Variants in ZMIZ1 observed in about 807,000 individuals in gnomAD.
ZMIZ1 encodes zinc finger MIZ-type containing 1.
ZMIZ1 carries 17 observed loss-of-function variants against 113.9 expected under a neutral mutation model. The observed-to-expected ratio is 0.15, with a 90% CI of 0.10 to 0.22. The LOEUF (loss-of-function observed/expected upper bound fraction) is 0.22, where lower values mean the gene tolerates loss of function less well. Among genes scored for constraint, ZMIZ1 ranks in the 10% least tolerant of loss-of-function variants. ZMIZ1 has a pLI of 1.00. For synonymous variants in ZMIZ1, 607 were observed against 603.1 expected (o/e 1.01, Z -0.09); for missense variants, 1,059 against 1,477.8 (o/e 0.72, Z 4.65).
intron 4 of ZMIZ1, among the ~76,000 whole-genome samples, chr10:79,183,651 A>G (rs185865359): frequency 8.5e-5 from 13 of 152,316 alleles, no homozygotes; most frequent in Admixed American, 8.5e-4. Context: ...GTTACTAGCA[A>G]TGCCCTTGGC....
intron 5 of ZMIZ1, 29 bp from the exon 6 acceptor site, chr10:79,208,307 C>T (rs1393836586): frequency 1.2e-6 from 2 of 1,606,760 alleles, no homozygotes; most frequent in Non-Finnish European, 1.7e-6. Context: ...CTCTTGGAGC[C>T]TCAGCCGCCT....
chr10:79,190,672 CT>C (rs1847561412), intron 4 of ZMIZ1, among the ~76,000 whole-genome samples: 1 of 152,230 alleles, frequency 6.6e-6, no homozygotes. Context: ...TTCACACCCC[CT>C]GTGTGGCTAG....
At chr10:79,107,396 C>T (rs1843599239) in intron 1 of ZMIZ1, among the ~76,000 whole-genome samples, 1 of 152,170 alleles carries the variant, frequency 6.6e-6, no homozygotes, top group Non-Finnish European at 1.5e-5. Flanking sequence ...GGGGTGTAGA[C>T]ACCACACGGG....
At chr10:79,249,276 G>A (rs1850397993) in intron 7 of ZMIZ1, among the ~76,000 whole-genome samples, 1 of 152,214 alleles carries the variant, frequency 6.6e-6, no homozygotes, top group South Asian at 2.1e-4. Context: ...GCACATCCAG[G>A]ATCCAGCGCT....
At position 79,300,855 on chromosome 10, in the gene ZMIZ1, C is replaced by G. The variant is rs945228961; in HGVS notation, c.1932C>G (p.Asn644Lys). 6 of 1,613,486 alleles carry G rather than the reference C, an allele frequency of 3.7e-6. No homozygotes were observed. In the Admixed American group the frequency reaches 1.0e-4, roughly 27 times the overall value. ...CCCTCACCATTGAGCGCGGCGACAA[C>G]AAGACCTCCCACAAGCCCCTGCACC... The part of the protein sequence containing the change: ...ATPLTIERGD[N>K]KTSHKPLHLK... Residue 644 changes from asparagine (N) to lysine (K), a missense_variant, in exon 17 of 25, where the codon AAC (asparagine) becomes AAG (lysine). Coordinates refer to ENST00000334512, the MANE Select transcript of ZMIZ1 (RefSeq NM_020338.4).
At chr10:79,239,862 G>A (rs905686778) in intron 7 of ZMIZ1, among the ~76,000 whole-genome samples, 58 of 151,968 alleles carry the variant, frequency 3.8e-4, no homozygotes, top group Non-Finnish European at 6.8e-4. Flanking sequence ...CCCTGTCTGC[G>A]CCCCCAGCTT....
At chr10:79,175,270 GT>G (rs1846779198) in intron 4 of ZMIZ1, among the ~76,000 whole-genome samples, 1 of 152,216 alleles carries the variant, frequency 6.6e-6, no homozygotes, top group Non-Finnish European at 1.5e-5. Context: ...CTGCCCACCT[GT>G]TTCTGTCCCA....
At chr10:79,280,914 T>C (rs1296475616) in intron 8 of ZMIZ1, among the ~76,000 whole-genome samples, 2 of 152,194 alleles carry the variant, frequency 1.3e-5, no homozygotes, top group African/African-American at 2.4e-5. Context: ...TACCTTGCAG[T>C]TGCCCTCGGG....
At chr10:79,266,664 G>C (rs1416160424) in intron 7 of ZMIZ1, among the ~76,000 whole-genome samples, 1 of 152,154 alleles carries the variant, frequency 6.6e-6, no homozygotes, top group Non-Finnish European at 1.5e-5. Context: ...AGTAGTCACT[G>C]CCCCCGGTCC....
At position 79,216,256 on chromosome 10, in the gene ZMIZ1, T is replaced by C; in HGVS notation, c.262T>C (p.Phe88Leu). ...TGTGTGTGCTGCAAACCGAGACAAG[T>C]TCACCCCGAAGTCTGCCGGTAGGTG... The part of the protein sequence containing the change: ...LAVCAANRDK[F>L]TPKSAALLSS... Residue 88 changes from phenylalanine to leucine, a missense_variant, in exon 7 of 25, where the codon TTC becomes CTC. By Grantham distance (22) the Phe-to-Leu change is conservative. Coordinates refer to ENST00000334512, the MANE Select transcript of ZMIZ1 (RefSeq NM_020338.4). 1 of 1,590,924 alleles carries C rather than the reference T, an allele frequency of 6.3e-7. No individual in the cohort carries two copies. Among genetic ancestry groups the C allele is most frequent in the Non-Finnish European group, 8.6e-7 (1 of 1,168,670 alleles).
chr10:79,282,946 T>A (rs1225469953), intron 8 of ZMIZ1, among the ~76,000 whole-genome samples: 1 of 152,184 alleles, frequency 6.6e-6, no homozygotes, highest in African/African-American at 2.4e-5. Context: ...ACCTTCCAAG[T>A]CCCTGCAGTG....
chr10:79,180,062 C>G (rs910937200), intron 4 of ZMIZ1, among the ~76,000 whole-genome samples: 1 of 152,178 alleles, frequency 6.6e-6, no homozygotes, highest in African/African-American at 2.4e-5. Context: ...AGGGTGGAGA[C>G]GGGCCCCCAC....
chr10:79,258,127 A>T (rs1014339656), intron 7 of ZMIZ1, among the ~76,000 whole-genome samples: 5 of 152,204 alleles, frequency 3.3e-5, no homozygotes, highest in African/African-American at 1.2e-4. Context: ...CATGCCTGAA[A>T]TCCCAGCACT....
At chr10:79,158,471 C>T (rs1001865485) in intron 3 of ZMIZ1, among the ~76,000 whole-genome samples, 1 of 152,232 alleles carries the variant, frequency 6.6e-6, no homozygotes, top group Non-Finnish European at 1.5e-5. Context: ...CAATTCTACC[C>T]ACTCTTGCCC....
At chr10:79,126,249 A>G (rs1328563979) in intron 2 of ZMIZ1, among the ~76,000 whole-genome samples, 1 of 152,178 alleles carries the variant, frequency 6.6e-6, no homozygotes, top group Admixed American at 6.5e-5. Flanking sequence ...TGAGGCTTAT[A>G]AGGGGCAAGG....
At chr10:79,251,384 G>A (rs1850547617) in intron 7 of ZMIZ1, among the ~76,000 whole-genome samples, 2 of 152,108 alleles carry the variant, frequency 1.3e-5, no homozygotes, top group Non-Finnish European at 2.9e-5. Context: ...GAGCAAACAT[G>A]AGCTACCCTT....
intron 1 of ZMIZ1, among the ~76,000 whole-genome samples, chr10:79,077,964 A>G (rs755385068): frequency 1.6e-4 from 24 of 152,286 alleles, no homozygotes; most frequent in Non-Finnish European, 3.5e-4. Flanking sequence ...GCCCAACCAA[A>G]GCGGCCTGCT....
chr10:79,305,117 G>A, intron 19 of ZMIZ1, 47 bp from the exon 20 acceptor site: 1 of 1,610,670 alleles, frequency 6.2e-7, no homozygotes, highest in Non-Finnish European at 8.5e-7. Flanking sequence ...CATCTAGGCA[G>A]TTTCTGACAG....
At chr10:79,307,736 C>T (rs1384483730) in intron 23 of ZMIZ1, among the ~76,000 whole-genome samples, 165 bp downstream of exon 23, 2 of 152,154 alleles carry the variant, frequency 1.3e-5, no homozygotes, top group East Asian at 1.9e-4. Context: ...CGTGCCCTGT[C>T]AGTGTCCTTA....
Sources: gnomAD v4.1 joint callset for allele counts (sites outside exome capture counted in the v4.1 genomes callset) on GRCh38, gnomAD v4.1.1 for gene constraint, MANE v1.5 for transcripts, NCBI Gene and HGNC (gene_info 2026-07-23, HGNC 2026-07-21) for gene names.